Variants in MGMT observed in about 807,000 individuals in gnomAD.
MGMT encodes methylated-DNA--protein-cysteine methyltransferase.
In MGMT, 14 loss-of-function variants were observed where a neutral mutation model predicts 15.9. The ratio of observed to expected loss-of-function variants is 0.88; its 90% confidence interval spans 0.58 to 1.37. The LOEUF (loss-of-function observed/expected upper bound fraction) is 1.37, where lower values mean the gene tolerates loss of function less well. Ranked by LOEUF, MGMT falls within the 40% of genes most tolerant of loss-of-function variation. The pLI, the probability that MGMT is intolerant of heterozygous loss-of-function variation, is 0.00. For missense variants in MGMT, 282 were observed against 268.1 expected, an observed-to-expected ratio of 1.05 and a Z score of -0.36; for synonymous variants, 130 against 118.2, an observed-to-expected ratio of 1.10 and a Z score of -0.65.
At chr10:129,482,078 C>G (rs1034431212) in intron 1 of MGMT, among the ~76,000 whole-genome samples, 30 of 152,146 alleles carry the variant, frequency 2.0e-4, no homozygotes, top group African/African-American at 7.2e-4. Context: ...TAGGTGTGCT[C>G]ACAGATAGAC....
intron 2 of MGMT, among the ~76,000 whole-genome samples, chr10:129,563,145 T>G (rs1846299646): frequency 6.6e-6 from 1 of 152,182 alleles, no homozygotes; most frequent in African/African-American, 2.4e-5. Context: ...GTATTGAATG[T>G]GTTTTCAGGG....
At chr10:129,627,778 A>C (rs1264149328) in intron 2 of MGMT, among the ~76,000 whole-genome samples, 1 of 152,242 alleles carries the variant, frequency 6.6e-6, no homozygotes, top group African/African-American at 2.4e-5. Flanking sequence ...ACTGTCATCT[A>C]AGTGGCTTAT....
chr10:129,632,403 G>A (rs1469411592), intron 2 of MGMT, among the ~76,000 whole-genome samples: 1 of 152,136 alleles, frequency 6.6e-6, no homozygotes, highest in Admixed American at 6.5e-5. Context: ...TAGTGATCCG[G>A]GTCACAAGGG....
chr10:129,607,437 A>G (rs1051494262), intron 2 of MGMT, among the ~76,000 whole-genome samples: 1 of 152,220 alleles, frequency 6.6e-6, no homozygotes, highest in Non-Finnish European at 1.5e-5. Context: ...GTGACCATTA[A>G]GTAATTTTCA....
At chr10:129,644,717 GAAAA>G (rs1487496406) in intron 2 of MGMT, among the ~76,000 whole-genome samples, 1 of 152,004 alleles carries the variant, frequency 6.6e-6, no homozygotes, top group African/African-American at 2.4e-5. Context: ...ATTAAATTAG[GAAAA>G]AAAATAAAGC....
intron 2 of MGMT, among the ~76,000 whole-genome samples, chr10:129,621,897 G>GTT (rs1847094982): frequency 6.6e-6 from 1 of 152,168 alleles, no homozygotes; most frequent in East Asian, 1.9e-4. Context: ...CTAACTCTTA[G>GTT]AATTTGTTAA....
At chr10:129,645,783 T>C (rs1847381935) in intron 2 of MGMT, among the ~76,000 whole-genome samples, 2 of 152,186 alleles carry the variant, frequency 1.3e-5, no homozygotes, top group South Asian at 4.1e-4. Flanking sequence ...CTTTCCAGCC[T>C]GGGGATGACT....
intron 2 of MGMT, among the ~76,000 whole-genome samples, chr10:129,603,142 ATTTT>A (rs993338225): frequency 6.6e-6 from 1 of 152,264 alleles, no homozygotes; most frequent in Non-Finnish European, 1.5e-5. Context: ...ATCAGCTAAA[ATTTT>A]TAAGTGACAA....
intron 1 of MGMT, among the ~76,000 whole-genome samples, chr10:129,474,348 A>T (rs2119619498): frequency 6.6e-6 from 1 of 152,304 alleles, no homozygotes; most frequent in South Asian, 2.1e-4. Flanking sequence ...GGACAGTTCC[A>T]GGAGGTATAG....
chr10:129,639,339 A>G (rs538073003), intron 2 of MGMT, among the ~76,000 whole-genome samples: 122 of 152,338 alleles, frequency 8.0e-4, no homozygotes, highest in African/African-American at 2.8e-3. Context: ...TAACAGTCTT[A>G]AATGGCTATG....
chr10:129,531,993 A>C (rs974285208), intron 1 of MGMT, among the ~76,000 whole-genome samples: 10 of 152,180 alleles, frequency 6.6e-5, no homozygotes, highest in African/African-American at 2.2e-4. Context: ...TTCTGAACTC[A>C]TTCATTGTTG....
chr10:129,611,318 C>T (rs1389139615), intron 2 of MGMT, among the ~76,000 whole-genome samples: 1 of 152,176 alleles, frequency 6.6e-6, no homozygotes, highest in Admixed American at 6.5e-5. Context: ...AAGGGGGAAG[C>T]AAACACATCC....
chr10:129,670,351 T>G (rs1014927945), intron 2 of MGMT, among the ~76,000 whole-genome samples: 2 of 152,160 alleles, frequency 1.3e-5, no homozygotes, highest in African/African-American at 4.8e-5. Context: ...AAGTAGTACT[T>G]TCTCATTTTT....
chr10:129,596,130 T>G (rs1406969615), intron 2 of MGMT, among the ~76,000 whole-genome samples: 2 of 148,122 alleles, frequency 1.4e-5, no homozygotes, highest in East Asian at 2.1e-4. Flanking sequence ...ATCGGTAGCA[T>G]GTGTCCTAAT....
rs970919069 is a variant in MGMT, at chr10:129,768,458, C to A, written c.*1461C>A. ...TGCTCCTGGCAGGCCTCAGGTGCCG[C>A]ACGCCGCGTCACCGTCAGGACTCGC... On this transcript the variant is annotated 3_prime_UTR_variant, in exon 5 of 5. Coordinates refer to ENST00000651593, the MANE Select transcript of MGMT (RefSeq NM_002412.5). Among the ~76,000 whole-genome samples the A allele has an allele frequency of 6.6e-6, 1 of 152,240 alleles. No homozygotes were observed. The highest frequency in any genetic ancestry group is 2.4e-5 in the African/African-American group (1 of 41,466).
intron 2 of MGMT, among the ~76,000 whole-genome samples, chr10:129,599,800 C>G (rs951311834): frequency 6.6e-6 from 1 of 152,178 alleles, no homozygotes; most frequent in African/African-American, 2.4e-5. Context: ...CATGAAAACT[C>G]AGACCATTCC....
chr10:129,560,706 G>A (rs74160227), intron 2 of MGMT, among the ~76,000 whole-genome samples: 1 of 152,168 alleles, frequency 6.6e-6, no homozygotes, highest in African/African-American at 2.4e-5. Context: ...TTATTAAGCA[G>A]TTAACCAGTG....
chr10:129,704,230 A>G (rs1382492916), intron 2 of MGMT, among the ~76,000 whole-genome samples: 1 of 152,062 alleles, frequency 6.6e-6, no homozygotes, highest in Non-Finnish European at 1.5e-5. Context: ...GACCTCACTA[A>G]CGGGGAAGGA....
chr10:129,574,510 A>G (rs887551254), intron 2 of MGMT, among the ~76,000 whole-genome samples: 6 of 152,224 alleles, frequency 3.9e-5, no homozygotes, highest in African/African-American at 1.4e-4. Flanking sequence ...TAATGTTTTT[A>G]CTATCTTTAA....
Sources: allele counts gnomAD v4.1 joint callset (sites outside exome capture counted in the v4.1 genomes callset), GRCh38; gene constraint gnomAD v4.1.1; transcripts MANE v1.5; gene names NCBI Gene and HGNC (gene_info 2026-07-23, HGNC 2026-07-21).